Variants in FNDC3A observed in about 807,000 individuals in gnomAD.
FNDC3A encodes the protein fibronectin type III domain containing 3A.
FNDC3A carries 32 observed loss-of-function variants against 148.9 expected under a neutral mutation model. The ratio of observed to expected loss-of-function variants is 0.21; its 90% CI spans 0.16 to 0.29. The LOEUF is 0.29. Among genes scored for constraint, FNDC3A ranks in the 10% least tolerant of loss-of-function variants. The pLI, the probability that FNDC3A is intolerant of heterozygous loss-of-function variation, is 1.00. For missense variants in FNDC3A, 1,191 were observed against 1,452.8 expected, an observed-to-expected ratio of 0.82 and a Z score of 2.93; for synonymous variants, 472 against 473.6, an observed-to-expected ratio of 1.00 and a Z score of 0.04.
In FNDC3A at chr13:49,192,284, T is replaced by A. The variant is rs188719676; in HGVS notation, c.2226+900T>A. Among the ~76,000 whole-genome samples the A allele has an allele frequency of 5.6e-3, 854 of 152,288 alleles. 10 individuals carry two copies. Among genetic ancestry groups the A allele is most frequent in the African/African-American group, 0.019 (799 of 41,564 alleles). ...TTCTGTATTTACATCTGTAAACTTA[T>A]TTTTCAATTTATTTCTGTTTGATTT... is the stretch of plus-strand genomic sequence containing the variant. On this transcript the variant is annotated intron_variant, in intron 19 of 25. Transcript: ENST00000492622.
chr13:49,083,070 T>G (rs1878583639), intron 3 of FNDC3A, among the ~76,000 whole-genome samples: 1 of 152,150 alleles, frequency 6.6e-6, no homozygotes, highest in Non-Finnish European at 1.5e-5. Context: ...AGAGGTGGTC[T>G]AATTAGGAAG....
At chr13:49,180,896 A>G (rs1199839391) in intron 14 of FNDC3A, among the ~76,000 whole-genome samples, 1 of 148,406 alleles carries the variant, frequency 6.7e-6, no homozygotes, top group African/African-American at 2.5e-5. Flanking sequence ...TTCTGTCTCA[A>G]AAAAAAAAAA....
At chr13:49,076,863 A>G (rs976090910) in intron 3 of FNDC3A, among the ~76,000 whole-genome samples, 1 of 152,224 alleles carries the variant, frequency 6.6e-6, no homozygotes, top group African/African-American at 2.4e-5. Flanking sequence ...ATTTTTATTC[A>G]GTCTCCCCAG....
chr13:49,008,691 G>T (rs1321407963), intron 2 of FNDC3A, among the ~76,000 whole-genome samples: 5 of 152,112 alleles, frequency 3.3e-5, no homozygotes, highest in Admixed American at 3.3e-4. Context: ...TCTTTGGCTT[G>T]TGAATCATAA....
intron 2 of FNDC3A, among the ~76,000 whole-genome samples, chr13:49,025,883 G>GA (rs986982650): frequency 4.6e-5 from 7 of 152,134 alleles, no homozygotes; most frequent in African/African-American, 9.7e-5. Flanking sequence ...TAATAAAGCT[G>GA]AAAAAATGTA....
intron 1 of FNDC3A, among the ~76,000 whole-genome samples, chr13:48,989,057 G>T (rs1951860732): frequency 6.6e-6 from 1 of 152,118 alleles, no homozygotes. Flanking sequence ...CCACTAGCTA[G>T]AACAGAAAGC....
intron 10 of FNDC3A, among the ~76,000 whole-genome samples, chr13:49,169,049 G>A (rs1009888092): frequency 5.3e-5 from 8 of 152,014 alleles, no homozygotes; most frequent in African/African-American, 1.2e-4. Context: ...GTAATATTTC[G>A]TCATGATGCC....
At chr13:49,170,242 T>G (rs1041260302) in intron 10 of FNDC3A, among the ~76,000 whole-genome samples, 2 of 151,924 alleles carry the variant, frequency 1.3e-5, no homozygotes, top group Non-Finnish European at 2.9e-5. Flanking sequence ...TACCTCAGAG[T>G]CGGGAGGATT....
intron 7 of FNDC3A, among the ~76,000 whole-genome samples, 172 bp from the exon 8 acceptor site, chr13:49,145,606 G>A: frequency 6.6e-6 from 1 of 151,954 alleles, no homozygotes; most frequent in East Asian, 1.9e-4. Context: ...CATCTCATTT[G>A]TTGTGGAACC....
chr13:49,190,878 C>G (rs1885849751), intron 17 of FNDC3A, 137 bp from the exon 18 acceptor site: 2 of 587,708 alleles, frequency 3.4e-6, no homozygotes, highest in Non-Finnish European at 5.9e-6. Flanking sequence ...GAACTTTATT[C>G]CTTTTTTGTT....
At chr13:49,075,246 C>A in intron 2 of FNDC3A, 43 bp from the exon 3 acceptor site, 1 of 1,208,768 alleles carries the variant, frequency 8.3e-7, no homozygotes, top group Non-Finnish European at 1.2e-6. Flanking sequence ...TTCTGATTTG[C>A]TTTTTTTTGT....
At chr13:49,075,390 A>G in intron 3 of FNDC3A, 26 bp downstream of exon 3, 6 of 1,412,130 alleles carry the variant, frequency 4.2e-6, no homozygotes, top group Non-Finnish European at 6.0e-6. Context: ...GAGAATAATC[A>G]TTTGAGACCA....
intron 1 of FNDC3A, among the ~76,000 whole-genome samples, chr13:48,982,648 A>G (rs1951714145): frequency 6.6e-6 from 1 of 152,174 alleles, no homozygotes; most frequent in African/African-American, 2.4e-5. Context: ...CGAAATCACA[A>G]TACAATTCCT....
intron 2 of FNDC3A, among the ~76,000 whole-genome samples, chr13:49,060,863 A>G (rs1876634624): frequency 6.6e-6 from 1 of 152,128 alleles, no homozygotes; most frequent in Non-Finnish European, 1.5e-5. Flanking sequence ...GTGACTGCTT[A>G]ATAGGCATAG....
At chr13:49,041,289 C>T (rs950119477) in intron 2 of FNDC3A, among the ~76,000 whole-genome samples, 49 of 152,122 alleles carry the variant, frequency 3.2e-4, no homozygotes, top group African/African-American at 1.2e-3. Flanking sequence ...ATAACTATTT[C>T]AGTTGATATT....
In FNDC3A at chr13:49,172,095, A is replaced by G. The variant is rs758381025; in HGVS notation, c.1229A>G (p.Glu410Gly). The G allele has an allele frequency of 6.9e-6, 11 of 1,586,942 alleles. No individual in the cohort carries two copies. Among genetic ancestry groups the G allele is most frequent in the Non-Finnish European group, 9.5e-6 (11 of 1,157,748 alleles). The change falls in exon 11 of 26, where the codon GAA (glutamate) becomes GGA (glycine). Residue 410 changes from glutamate to glycine, a missense_variant and splice_region_variant. Coordinates refer to ENST00000492622, the MANE Select transcript of FNDC3A (RefSeq NM_001079673.2). Reference sequence around the variant, plus strand: ...CAAAACTTTGTATTAGAATGGGATGAAGTAAGTAAATTGAATCTTTTTAAA... The same window carrying G: ...CAAAACTTTGTATTAGAATGGGATGGAGTAAGTAAATTGAATCTTTTTAAA... ...KIQNFVLEWDEGKGNGEFCQC... is the reference protein window; with the variant it reads ...KIQNFVLEWDGGKGNGEFCQC...
chr13:49,187,137 A>G lies in FNDC3A; in HGVS notation c.1772A>G (p.Asn591Ser), dbSNP rs771220973. ...FKITWDPPKD[N>S]GGATINKYVV... is the part of the protein sequence containing the mutation. ...CTTTGGATAGATCCACCAAAAGACA[A>G]TGGCGGAGCAACCATCAATAAATAT... The change falls in exon 16 of 26, where the codon AAT (asparagine) becomes AGT (serine). Residue 591 changes from asparagine (N) to serine (S), a missense_variant. Physicochemically the swap from Asn to Ser is conservative, Grantham distance 46. Transcript: ENST00000492622. 15 of 1,612,680 alleles carry G rather than the reference A, an allele frequency of 9.3e-6. No homozygotes were observed. The highest frequency in any genetic ancestry group is 1.3e-5 in the African/African-American group (1 of 74,826).
chr13:48,986,385 GTTTTTTTT>G (rs869031197), intron 1 of FNDC3A, among the ~76,000 whole-genome samples: 1,193 of 54,408 alleles, frequency 0.022, 14 homozygotes, highest in Middle Eastern at 0.12. Flanking sequence ...GAAGGAAGTT[GTTTTTTTT>G]TTTTTTTTTT....
chr13:48,991,983 C>T (rs1360714973), intron 1 of FNDC3A, among the ~76,000 whole-genome samples: 2 of 152,142 alleles, frequency 1.3e-5, no homozygotes, highest in East Asian at 1.9e-4. Context: ...TGTAATTTAT[C>T]GAATACTGAA....
Sources: gnomAD v4.1 joint callset for allele counts (sites outside exome capture counted in the v4.1 genomes callset) on GRCh38, gnomAD v4.1.1 for gene constraint, MANE v1.5 for transcripts, NCBI Gene and HGNC (gene_info 2026-07-23, HGNC 2026-07-21) for gene names.